MACROD2: variants seen among roughly 807,000 people sequenced by gnomAD.
MACROD2 encodes mono-ADP ribosylhydrolase 2.
Under a neutral mutation model 70.4 loss-of-function variants are expected in MACROD2, and 36 were observed. The observed-to-expected ratio is 0.51, with a 90% CI of 0.39 to 0.68. The LOEUF is 0.68. MACROD2 is among the 30% of genes least tolerant of loss of function. MACROD2 has a pLI of 0.00. For missense variants in MACROD2, 496 were observed against 538.4 expected (o/e 0.92, Z 0.78); for synonymous variants, 172 against 178.8 (o/e 0.96, Z 0.30).
At chr20:14,310,879 G>GA (rs200011323) in intron 3 of MACROD2, among the ~76,000 whole-genome samples, 2,288 of 151,892 alleles carry the variant, frequency 0.015, 24 homozygotes, top group African/African-American at 0.027. Context: ...TTTTTAAATA[G>GA]AAAAAAACTT....
intron 5 of MACROD2, among the ~76,000 whole-genome samples, chr20:14,859,345 G>T (rs897565151): frequency 1.3e-4 from 20 of 152,070 alleles, no homozygotes; most frequent in Admixed American, 1.0e-3. Context: ...CATGATTGCT[G>T]GTGTGGAATT....
intron 5 of MACROD2, among the ~76,000 whole-genome samples, chr20:14,764,484 T>C (rs1210580362): frequency 1.3e-5 from 2 of 152,070 alleles, no homozygotes; most frequent in Admixed American, 1.3e-4. Context: ...TGCTCTAGTA[T>C]ACACTTGTGG....
At chr20:15,123,164 T>G (rs2076042747) in intron 5 of MACROD2, among the ~76,000 whole-genome samples, 1 of 152,148 alleles carries the variant, frequency 6.6e-6, no homozygotes, top group Non-Finnish European at 1.5e-5. Context: ...CTGGGGCTCA[T>G]AGTTGAAGAG....
intron 6 of MACROD2, among the ~76,000 whole-genome samples, chr20:15,289,072 C>T (rs1205562350): frequency 6.6e-6 from 1 of 152,060 alleles, no homozygotes; most frequent in Non-Finnish European, 1.5e-5. Flanking sequence ...TTTGATTGTC[C>T]AGGCCTGAGC....
intron 5 of MACROD2, among the ~76,000 whole-genome samples, chr20:15,211,580 G>C (rs895870042): frequency 2.0e-5 from 3 of 151,996 alleles, no homozygotes; most frequent in Admixed American, 6.6e-5. Flanking sequence ...TTGTTTAAAA[G>C]ATGCTGGAAT....
chr20:15,350,693 G>C (rs1380752664), intron 6 of MACROD2, among the ~76,000 whole-genome samples: 1 of 152,010 alleles, frequency 6.6e-6, no homozygotes, highest in African/African-American at 2.4e-5. Flanking sequence ...AGGTACCTAA[G>C]GACAACATGT....
chr20:15,734,575 C>A (rs1348378820), intron 8 of MACROD2, among the ~76,000 whole-genome samples: 1 of 152,122 alleles, frequency 6.6e-6, no homozygotes, highest in Non-Finnish European at 1.5e-5. Flanking sequence ...AGGTATCCAC[C>A]TAAGACATGC....
chr20:15,735,320 A>C (rs2051003826), intron 8 of MACROD2, among the ~76,000 whole-genome samples: 1 of 152,146 alleles, frequency 6.6e-6, no homozygotes. Context: ...ACTAGTGGTT[A>C]ATTTATTTGT....
At chr20:14,423,190 A>G (rs531874668) in intron 3 of MACROD2, among the ~76,000 whole-genome samples, 1 of 152,294 alleles carries the variant, frequency 6.6e-6, no homozygotes, top group African/African-American at 2.4e-5. Context: ...CAGACCAGGG[A>G]GAGGGAGGGG....
intron 8 of MACROD2, among the ~76,000 whole-genome samples, chr20:15,708,018 G>A (rs1376391565): frequency 2.6e-5 from 4 of 151,794 alleles, no homozygotes; most frequent in Non-Finnish European, 1.5e-5. Flanking sequence ...AGTGTTTCAA[G>A]CAGAAGAAGC....
intron 8 of MACROD2, among the ~76,000 whole-genome samples, chr20:15,673,781 G>GAAAAA (rs33967551): frequency 7.2e-6 from 1 of 138,414 alleles, no homozygotes. Context: ...CAGTAGGGAG[G>GAAAAA]AAAAAAAAAA....
chr20:14,701,876 C>T (rs1167156156), intron 5 of MACROD2, among the ~76,000 whole-genome samples: 1 of 152,130 alleles, frequency 6.6e-6, no homozygotes, highest in Non-Finnish European at 1.5e-5. Context: ...AAACAACCCT[C>T]TGTGATAGTT....
chr20:15,382,859 A>T (rs6074885), intron 6 of MACROD2, among the ~76,000 whole-genome samples: 1 of 152,064 alleles, frequency 6.6e-6, no homozygotes, highest in Non-Finnish European at 1.5e-5. Context: ...AAATTTGGCC[A>T]AGAAATGAAG....
In MACROD2 at chr20:15,671,433, G is replaced by A. The variant is rs116100229; in HGVS notation, c.645+171586G>A. On this transcript the variant is annotated intron_variant, in intron 8 of 17. Coordinates refer to ENST00000684519, the MANE Select transcript of MACROD2 (RefSeq NM_001351661.2). ...TGTAAGGGGTGGGGGGATTATGGCC[G>A]TTTTTATCGTCTCCCATGGAAAGGA... 9.6e-3 allele frequency among the ~76,000 whole-genome samples: 1,456 copies of A among 152,236 alleles called. 18 individuals carry two copies. Among genetic ancestry groups the A allele is most frequent in the African/African-American group, 0.027 (1,122 of 41,538 alleles).
chr20:14,080,575 A>G (rs1422874165), intron 2 of MACROD2, among the ~76,000 whole-genome samples: 2 of 152,250 alleles, frequency 1.3e-5, no homozygotes, highest in Non-Finnish European at 2.9e-5. Flanking sequence ...TAATGAGACC[A>G]GACTTATTTT....
At chr20:15,223,962 C>G (rs1407967020) in intron 5 of MACROD2, among the ~76,000 whole-genome samples, 3 of 152,136 alleles carry the variant, frequency 2.0e-5, no homozygotes, top group Non-Finnish European at 4.4e-5. Flanking sequence ...TCTTAGAGCC[C>G]TGAGTTGTCA....
chr20:14,577,807 G>C (rs1980704943), intron 4 of MACROD2, among the ~76,000 whole-genome samples: 1 of 147,040 alleles, frequency 6.8e-6, no homozygotes, highest in African/African-American at 2.7e-5. Flanking sequence ...GAGAAGAGAA[G>C]AGAAGAGAAG....
chr20:14,037,467 C>G (rs544028387), intron 2 of MACROD2, among the ~76,000 whole-genome samples: 2 of 152,110 alleles, frequency 1.3e-5, no homozygotes, highest in Non-Finnish European at 1.5e-5. Context: ...TAAACAGATA[C>G]CAATATTTTG....
chr20:15,351,641 G>GT (rs1458219860), intron 6 of MACROD2, among the ~76,000 whole-genome samples: 3 of 152,104 alleles, frequency 2.0e-5, no homozygotes, highest in African/African-American at 7.2e-5. Flanking sequence ...AGTGAGCTCC[G>GT]TGAGTCCTAC....
Sources: gnomAD v4.1 joint callset for allele counts (sites outside exome capture counted in the v4.1 genomes callset) on GRCh38, gnomAD v4.1.1 for gene constraint, MANE v1.5 for transcripts, NCBI Gene and HGNC (gene_info 2026-07-23, HGNC 2026-07-21) for gene names.